The following MSH3 variants were observed in gnomAD, a reference collection of about 807,000 sequenced individuals.
MSH3 encodes mutS homolog 3, also known as DNA mismatch repair protein Msh3.
MSH3 carries 106 observed loss-of-function variants against 123.3 expected under a neutral mutation model. The ratio of observed to expected loss-of-function variants is 0.86; its 90% confidence interval spans 0.73 to 1.01. The LOEUF (loss-of-function observed/expected upper bound fraction) is 1.01, where lower values mean the gene tolerates loss of function less well. MSH3 is among the 50% of genes least tolerant of loss of function. The probability of loss-of-function intolerance (pLI) is 0.00; values close to 1 mark genes in which losing one functional copy is unlikely to be tolerated. For synonymous variants in MSH3, 515 were observed against 481.4 expected, an observed-to-expected ratio of 1.07 and a Z score of -0.91; for missense variants, 1,459 against 1,347.6, an observed-to-expected ratio of 1.08 and a Z score of -1.29.
intron 16 of MSH3, among the ~76,000 whole-genome samples, chr5:80,776,034 AG>A (rs2112890472): frequency 1.3e-5 from 2 of 151,890 alleles, no homozygotes; most frequent in East Asian, 3.9e-4. Flanking sequence ...GGACCACAGG[AG>A]TACACTACAA....
intron 10 of MSH3, among the ~76,000 whole-genome samples, chr5:80,731,157 C>A (rs1006515578): frequency 8.6e-5 from 13 of 152,016 alleles, no homozygotes; most frequent in Non-Finnish European, 1.6e-4. Flanking sequence ...GCCCACTTGG[C>A]CTCCCAAAGT....
chr5:80,714,130 C>CTTTTTTTT (rs34918629), intron 8 of MSH3, among the ~76,000 whole-genome samples: 4 of 85,822 alleles, frequency 4.7e-5, no homozygotes, highest in East Asian at 3.1e-4. Flanking sequence ...TTCAAATAGA[C>CTTTTTTTT]TTTTTTTTTT....
intron 10 of MSH3, among the ~76,000 whole-genome samples, chr5:80,738,527 G>A (rs577411127): frequency 6.8e-4 from 103 of 152,256 alleles, no homozygotes; most frequent in Non-Finnish European, 1.3e-3. Flanking sequence ...CCATCCCTTA[G>A]GGTATGGACT....
chr5:80,815,243 A>G (rs1356933525), intron 20 of MSH3, among the ~76,000 whole-genome samples: 3 of 152,286 alleles, frequency 2.0e-5, no homozygotes, highest in Non-Finnish European at 1.5e-5. Context: ...AAATTAACTC[A>G]AAATAAGAAA....
In MSH3 at chr5:80,775,682, T is replaced by C; in HGVS notation, c.2254-12T>C. 1.4e-6 allele frequency: 2 copies of C among 1,401,636 alleles called. No individual in the cohort carries two copies. Among genetic ancestry groups the C allele is most frequent in the Non-Finnish European group, 2.0e-6 (2 of 988,448 alleles). The allele number at this position is 1,401,636 out of a possible 1,614,324, so 86.8% of individuals were successfully genotyped here. ...ACTTATCTAAATCTCTGTTTATTTG[T>C]ATTTGTTTTAGTTTATGATAGAAAT... On this transcript the variant is annotated splice_polypyrimidine_tract_variant and intron_variant, in intron 15 of 23. Transcript: ENST00000265081.
At chr5:80,767,794 A>G (rs1385156194) in intron 13 of MSH3, 139 bp from the exon 14 acceptor site, 1 of 653,782 alleles carries the variant, frequency 1.5e-6, no homozygotes, top group Non-Finnish European at 2.7e-6. Flanking sequence ...AGAAAATATC[A>G]GTGATATTTT....
At chr5:80,777,946 G>A (rs753203326) in intron 16 of MSH3, among the ~76,000 whole-genome samples, 19 of 152,174 alleles carry the variant, frequency 1.2e-4, no homozygotes, top group Non-Finnish European at 1.0e-4. Flanking sequence ...CCTGTCAACA[G>A]TACCTATGAG....
chr5:80,690,938 C>G (rs913029677), intron 8 of MSH3, among the ~76,000 whole-genome samples: 1 of 151,826 alleles, frequency 6.6e-6, no homozygotes, highest in African/African-American at 2.4e-5. Context: ...TCTGTATATG[C>G]CTTCTAATCC....
intron 14 of MSH3, 53 bp downstream of exon 14, chr5:80,768,173 C>T: frequency 6.8e-7 from 1 of 1,460,310 alleles, no homozygotes; most frequent in Non-Finnish European, 9.6e-7. Flanking sequence ...TAATTCAGTG[C>T]ATTTGCCATT....
Position 80,746,155 on chromosome 5 carries a change from A to T in MSH3, c.1763+1540A>T, listed in dbSNP as rs531584622. Among the ~76,000 whole-genome samples, 3 of 152,338 alleles carry T rather than the reference A, an allele frequency of 2.0e-5. No homozygotes were observed. In the East Asian group the frequency reaches 5.8e-4, roughly 29 times the overall value. ...AAAAGAAACTTGATCATACTATGAG[A>T]AACTCAGCCATAGGTTTGGAATCCG... On this transcript the variant is annotated intron_variant, in intron 12 of 23. Coordinates refer to ENST00000265081, the MANE Select transcript of MSH3 (RefSeq NM_002439.5).
intron 7 of MSH3, 78 bp from the exon 8 acceptor site, chr5:80,678,849 T>C: frequency 1.3e-6 from 2 of 1,522,418 alleles, no homozygotes; most frequent in Non-Finnish European, 1.8e-6. Context: ...CTTTACTTTT[T>C]CCATGTTTAT....
rs554963020 is a variant in MSH3, at chr5:80,832,909, T to G, written c.2813+19168T>G. Among the ~76,000 whole-genome samples, 3 of 152,238 alleles carry G rather than the reference T, an allele frequency of 2.0e-5. No homozygotes were observed. The East Asian group carries it at 5.8e-4, about 29-fold the overall frequency. On this transcript the variant is annotated intron_variant, in intron 20 of 23. Transcript: ENST00000265081. ...TTTCTCCCTTATACTAGCATTTTCC[T>G]TGCAAAAGGCCCAGAGATTGTGATT... is the stretch of plus-strand genomic sequence containing the variant.
intron 22 of MSH3, among the ~76,000 whole-genome samples, chr5:80,870,871 G>C (rs753141067): frequency 2.0e-5 from 3 of 152,188 alleles, no homozygotes; most frequent in Non-Finnish European, 4.4e-5. Flanking sequence ...AGTATACTGG[G>C]ATTGTAGAAA....
intron 20 of MSH3, among the ~76,000 whole-genome samples, chr5:80,846,026 CCT>C (rs1491545120): frequency 6.6e-6 from 1 of 152,104 alleles, no homozygotes; most frequent in Non-Finnish European, 1.5e-5. Flanking sequence ...GTGGTTTCTC[CCT>C]GTCTTTGTGG....
chr5:80,772,833 T>C (rs1300797949), intron 15 of MSH3, among the ~76,000 whole-genome samples: 1 of 152,166 alleles, frequency 6.6e-6, no homozygotes, highest in Non-Finnish European at 1.5e-5. Context: ...GAACCCAGGC[T>C]GAAACTCTGA....
intron 22 of MSH3, among the ~76,000 whole-genome samples, chr5:80,865,601 G>T (rs1295990494): frequency 6.6e-6 from 1 of 152,062 alleles, no homozygotes; most frequent in East Asian, 1.9e-4. Flanking sequence ...TTATGAAAAA[G>T]AACACCGTTA....
intron 21 of MSH3, among the ~76,000 whole-genome samples, chr5:80,860,443 GT>G (rs199512437): frequency 1.8e-3 from 245 of 137,226 alleles, no homozygotes; most frequent in African/African-American, 5.4e-3. Context: ...GAGGTTTGTT[GT>G]TTTTTTTTTT....
chr5:80,781,344 A>G (rs1055684545), intron 17 of MSH3, among the ~76,000 whole-genome samples: 5 of 152,152 alleles, frequency 3.3e-5, no homozygotes, highest in Non-Finnish European at 7.4e-5. Context: ...CAGACCTTAC[A>G]TAATTTCATA....
chr5:80,870,661 T>A (rs1011704082), intron 22 of MSH3, among the ~76,000 whole-genome samples: 4 of 152,274 alleles, frequency 2.6e-5, no homozygotes, highest in Middle Eastern at 3.4e-3. Flanking sequence ...TCTTTCCACC[T>A]CCCACTTCAG....
Sources: gnomAD v4.1 joint callset for allele counts (sites outside exome capture counted in the v4.1 genomes callset) on GRCh38, gnomAD v4.1.1 for gene constraint, MANE v1.5 for transcripts, NCBI Gene and HGNC (gene_info 2026-07-23, HGNC 2026-07-21) for gene names.